HEMK2: variants seen among roughly 807,000 people sequenced by gnomAD.
The protein encoded by HEMK2 is methyltransferase HEMK2.
the HEMK2 span, among the ~76,000 whole-genome samples, chr21:28,866,175 A>AAAAAACAAAAAAAC: frequency 7.9e-5 from 6 of 76,234 alleles, no homozygotes; most frequent in African/African-American, 3.1e-4. Flanking sequence ...CAAAAAAAAA[A>AAAAAACAAAAAAAC]ACACACACAC....
At chr21:28,654,318 A>G in the HEMK2 span, among the ~76,000 whole-genome samples, 76 of 152,298 alleles carry the variant, frequency 5.0e-4, no homozygotes, top group African/African-American at 1.8e-3. Context: ...GTCTGCCTGC[A>G]CAGAGTCTAA....
chr21:28,815,785 G>A, the HEMK2 span, among the ~76,000 whole-genome samples: 1 of 152,116 alleles, frequency 6.6e-6, no homozygotes, highest in Non-Finnish European at 1.5e-5. Flanking sequence ...ACTAACATCT[G>A]AGAAAACAGA....
chr21:28,769,131 G>A, the HEMK2 span, among the ~76,000 whole-genome samples: 1 of 152,034 alleles, frequency 6.6e-6, no homozygotes, highest in Non-Finnish European at 1.5e-5. Flanking sequence ...TTACAAACTG[G>A]CAAGGATCCT....
chr21:28,658,708 G>C, the HEMK2 span, among the ~76,000 whole-genome samples: 6 of 151,976 alleles, frequency 3.9e-5, no homozygotes, highest in Non-Finnish European at 8.8e-5. Context: ...TTAAGAAATC[G>C]TATTATATCG....
chr21:28,630,536 CCAA>C, the HEMK2 span, among the ~76,000 whole-genome samples: 1 of 151,864 alleles, frequency 6.6e-6, no homozygotes, highest in Admixed American at 6.6e-5. Flanking sequence ...ACCCAAATGT[CCAA>C]CAACGATAGA....
At chr21:28,728,506 G>C in the HEMK2 span, among the ~76,000 whole-genome samples, 1 of 152,092 alleles carries the variant, frequency 6.6e-6, no homozygotes, top group East Asian at 1.9e-4. Flanking sequence ...GAACTCTTAA[G>C]TATGTCTTCG....
the HEMK2 span, among the ~76,000 whole-genome samples, chr21:28,687,815 C>T: frequency 7.9e-5 from 12 of 152,302 alleles, no homozygotes; most frequent in East Asian, 1.7e-3. Flanking sequence ...TGGAGGCCTT[C>T]ATCACAGCAT....
the HEMK2 span, among the ~76,000 whole-genome samples, chr21:28,802,327 T>C: frequency 5.3e-5 from 8 of 152,264 alleles, 1 homozygote; most frequent in East Asian, 1.5e-3. Context: ...GAGAAATAAG[T>C]CTCTATATTC....
At chr21:28,723,660 T>C in the HEMK2 span, among the ~76,000 whole-genome samples, 1 of 152,204 alleles carries the variant, frequency 6.6e-6, no homozygotes, top group East Asian at 1.9e-4. Flanking sequence ...TGGAGCTTGT[T>C]TCTTCATCAA....
At chr21:28,699,760 T>C in the HEMK2 span, among the ~76,000 whole-genome samples, 1,353 of 152,328 alleles carry the variant, frequency 8.9e-3, 24 homozygotes, top group African/African-American at 0.031. Flanking sequence ...ATGTCTGTCC[T>C]CTTTTCAACT....
the HEMK2 span, among the ~76,000 whole-genome samples, chr21:28,738,349 C>T: frequency 1.3e-5 from 2 of 152,070 alleles, no homozygotes; most frequent in African/African-American, 4.8e-5. Context: ...ATATGTTGAT[C>T]GCTATTATTG....
chr21:28,784,185 G>A, the HEMK2 span, among the ~76,000 whole-genome samples: 30 of 152,346 alleles, frequency 2.0e-4, no homozygotes, highest in East Asian at 5.8e-4. Flanking sequence ...CTGCGGCCCC[G>A]GTGTAGGATC....
At chr21:28,633,867 C>A in the HEMK2 span, among the ~76,000 whole-genome samples, 17 of 152,116 alleles carry the variant, frequency 1.1e-4, no homozygotes, top group Admixed American at 6.6e-5. Flanking sequence ...ATCTGCCATC[C>A]GTCTCCACAC....
chr21:28,755,935 C>T, the HEMK2 span, among the ~76,000 whole-genome samples: 1 of 152,164 alleles, frequency 6.6e-6, no homozygotes, highest in Non-Finnish European at 1.5e-5. Flanking sequence ...TATTCTAGCA[C>T]AAAAGGTATA....
chr21:28,725,193 C>T, the HEMK2 span, among the ~76,000 whole-genome samples: 1 of 152,238 alleles, frequency 6.6e-6, no homozygotes, highest in South Asian at 2.1e-4. Flanking sequence ...GTCCCTAGAG[C>T]CAACCTAGCA....
chr21:28,794,337 G>A, the HEMK2 span, among the ~76,000 whole-genome samples: 1 of 152,136 alleles, frequency 6.6e-6, no homozygotes, highest in African/African-American at 2.4e-5. Context: ...TTCTTTCTAA[G>A]ATAGAACATG....
the HEMK2 span, among the ~76,000 whole-genome samples, chr21:28,862,296 G>A: frequency 3.9e-5 from 6 of 152,154 alleles, no homozygotes; most frequent in South Asian, 4.1e-4. Context: ...AAAAAACCAC[G>A]ACCTGCTGAG....
At chr21:28,706,159 C>T in the HEMK2 span, among the ~76,000 whole-genome samples, 1 of 152,180 alleles carries the variant, frequency 6.6e-6, no homozygotes, top group South Asian at 2.1e-4. Context: ...GTTAATTGTT[C>T]TATATTTGAC....
the HEMK2 span, among the ~76,000 whole-genome samples, chr21:28,749,098 C>T: frequency 6.6e-6 from 1 of 152,058 alleles, no homozygotes; most frequent in Admixed American, 6.6e-5. Flanking sequence ...GCTCTACCTC[C>T]TAATGTAGCT....
Sources: gnomAD v4.1 joint callset for allele counts (sites outside exome capture counted in the v4.1 genomes callset) on GRCh38, gnomAD v4.1.1 for gene constraint, MANE v1.5 for transcripts, NCBI Gene and HGNC (gene_info 2026-07-23, HGNC 2026-07-21) for gene names.